Variants in GPR158 observed in about 807,000 individuals in gnomAD.
The protein encoded by GPR158 is metabotropic glycine receptor.
GPR158 carries 30 observed loss-of-function variants against 78.2 expected under a neutral mutation model. That is an observed-to-expected ratio of 0.38 (90% CI 0.29 to 0.52). GPR158 has a LOEUF of 0.52. Ranked by LOEUF, GPR158 falls within the 20% of genes least tolerant of loss-of-function variation. The pLI is 0.83. For synonymous variants in GPR158, 581 were observed against 591.1 expected (o/e 0.98, Z 0.25); for missense variants, 1,463 against 1,523.5 (o/e 0.96, Z 0.66).
chr10:25,534,329 G>A (rs1836462679), intron 5 of GPR158, among the ~76,000 whole-genome samples: 1 of 151,954 alleles, frequency 6.6e-6, no homozygotes, highest in Admixed American at 6.6e-5. Context: ...TTTAAACATA[G>A]ACATATGTAC....
rs191692852 is a variant in GPR158 at position 25,528,522 on chromosome 10, A to T, written c.1405-22454A>T. ...CAAACAACTGGAGAATGAATATTTTAAAATTACATTTACAATAGTACCTAA... is the reference window on the plus strand; with the variant it reads ...CAAACAACTGGAGAATGAATATTTTTAAATTACATTTACAATAGTACCTAA... On this transcript the variant is annotated intron_variant, in intron 5 of 10. Transcript: ENST00000376351. Among the ~76,000 whole-genome samples the T allele has an allele frequency of 4.0e-3, 602 of 152,292 alleles. 2 individuals are homozygous for T. The highest frequency in any genetic ancestry group is 7.2e-3 in the Admixed American group (110 of 15,294).
chr10:25,422,103 C>T (rs1478435750), intron 4 of GPR158, among the ~76,000 whole-genome samples: 1 of 152,184 alleles, frequency 6.6e-6, no homozygotes, highest in Non-Finnish European at 1.5e-5. Context: ...GACCATTCAC[C>T]CACCACCGAC....
At chr10:25,489,565 A>G (rs184107827) in intron 5 of GPR158, among the ~76,000 whole-genome samples, 5 of 152,268 alleles carry the variant, frequency 3.3e-5, no homozygotes, top group African/African-American at 1.2e-4. Context: ...TGCCTCTTCA[A>G]ATAATTATTC....
chr10:25,472,408 C>G (rs1835520158), intron 5 of GPR158, among the ~76,000 whole-genome samples: 3 of 152,194 alleles, frequency 2.0e-5, no homozygotes, highest in African/African-American at 4.8e-5. Context: ...ATGCCTCCAG[C>G]TTTGTTCTTT....
intron 2 of GPR158, among the ~76,000 whole-genome samples, chr10:25,354,096 G>A (rs1395322853): frequency 1.3e-5 from 2 of 152,060 alleles, no homozygotes; most frequent in Non-Finnish European, 2.9e-5. Flanking sequence ...GCTTATGCCT[G>A]TAAACCCAGC....
intron 5 of GPR158, among the ~76,000 whole-genome samples, chr10:25,489,154 A>G (rs1197340861): frequency 6.6e-6 from 1 of 152,118 alleles, no homozygotes; most frequent in African/African-American, 2.4e-5. Context: ...CCTCCAAATG[A>G]TTTTTCCAAA....
intron 4 of GPR158, among the ~76,000 whole-genome samples, chr10:25,419,050 A>T (rs1361251275): frequency 2.6e-5 from 4 of 152,088 alleles, no homozygotes; most frequent in Admixed American, 6.5e-5. Flanking sequence ...GGTAAAATAA[A>T]GTTAGGTATG....
rs1255379629 is a variant in GPR158 at position 25,241,147 on chromosome 10, TTCTTTCTTTCTTTCTTTC to T, written c.1008+19992_1008+20009del. On this transcript the variant is annotated intron_variant, in intron 2 of 10. Coordinates refer to ENST00000376351, the MANE Select transcript of GPR158 (RefSeq NM_020752.3). ...TGATTTTCTTTCTTTCTTTCTTTCT[TTCTTTCTTTCTTTCTTTC>T]TTTCTTTCTTTCTTTCTTTCTTTCC... is the stretch of plus-strand genomic sequence containing the variant. 2.0e-3 allele frequency among the ~76,000 whole-genome samples: 236 copies of T among 115,900 alleles called. 2 individuals are homozygous for T. The highest frequency in any genetic ancestry group is 4.9e-4 in the Non-Finnish European group (29 of 58,804). The allele number at this position is 115,900 out of a possible 152,430, so 76.0% of individuals were successfully genotyped here.
intron 2 of GPR158, among the ~76,000 whole-genome samples, chr10:25,277,375 A>G (rs1372474721): frequency 6.6e-6 from 1 of 152,188 alleles, no homozygotes; most frequent in Non-Finnish European, 1.5e-5. Context: ...TACAAAAACT[A>G]CTAGCAAAAT....
chr10:25,584,624 A>T (rs1837244583), intron 7 of GPR158, among the ~76,000 whole-genome samples: 1 of 152,250 alleles, frequency 6.6e-6, no homozygotes, highest in African/African-American at 2.4e-5. Context: ...GCTACGTGTG[A>T]ATCCTTCAAC....
At chr10:25,494,721 T>G (rs1835855641) in intron 5 of GPR158, among the ~76,000 whole-genome samples, 1 of 152,186 alleles carries the variant, frequency 6.6e-6, no homozygotes, top group Non-Finnish European at 1.5e-5. Context: ...ACAGCAAAGT[T>G]CTTTGGATGT....
At chr10:25,562,024 ATTTT>A (rs34320289) in intron 6 of GPR158, among the ~76,000 whole-genome samples, 3 of 140,796 alleles carry the variant, frequency 2.1e-5, no homozygotes, top group Admixed American at 7.1e-5. Context: ...ATGCAGAAGA[ATTTT>A]TTTTTTTTTT....
intron 1 of GPR158, among the ~76,000 whole-genome samples, chr10:25,189,562 C>T (rs1852740862): frequency 6.6e-6 from 1 of 151,826 alleles, no homozygotes; most frequent in Non-Finnish European, 1.5e-5. Context: ...CACACATTCT[C>T]ACTCATAGGT....
chr10:25,483,519 T>G (rs933151719), intron 5 of GPR158, among the ~76,000 whole-genome samples: 5 of 152,204 alleles, frequency 3.3e-5, no homozygotes, highest in Non-Finnish European at 7.3e-5. Flanking sequence ...TGATCGTTTT[T>G]TACATGCTGT....
chr10:25,590,465 G>A (rs1373621254), intron 8 of GPR158, among the ~76,000 whole-genome samples: 1 of 152,142 alleles, frequency 6.6e-6, no homozygotes, highest in Non-Finnish European at 1.5e-5. Flanking sequence ...AAGAGGGGAT[G>A]CCCTCAGTCA....
intron 5 of GPR158, among the ~76,000 whole-genome samples, chr10:25,523,470 A>G (rs966970199): frequency 6.6e-6 from 1 of 152,136 alleles, no homozygotes; most frequent in African/African-American, 2.4e-5. Context: ...GGTGGGGAGG[A>G]CAGAGTTCCC....
chr10:25,217,876 T>G (rs949975666), intron 1 of GPR158, among the ~76,000 whole-genome samples: 1 of 152,154 alleles, frequency 6.6e-6, no homozygotes, highest in African/African-American at 2.4e-5. Context: ...GGAGGCCACT[T>G]ACACGCTTTT....
intron 8 of GPR158, among the ~76,000 whole-genome samples, chr10:25,589,599 A>G (rs1037333288): frequency 1.3e-5 from 2 of 152,200 alleles, no homozygotes; most frequent in African/African-American, 4.8e-5. Context: ...TGGAATTCAA[A>G]ACACAAAAAC....
intron 2 of GPR158, among the ~76,000 whole-genome samples, chr10:25,337,304 T>G (rs956412100): frequency 3.3e-5 from 5 of 152,108 alleles, no homozygotes; most frequent in Admixed American, 6.6e-5. Flanking sequence ...GATGTCTTCC[T>G]TGTGCTTTGT....
Sources: gnomAD v4.1 joint callset for allele counts (sites outside exome capture counted in the v4.1 genomes callset) on GRCh38, gnomAD v4.1.1 for gene constraint, MANE v1.5 for transcripts, NCBI Gene and HGNC (gene_info 2026-07-23, HGNC 2026-07-21) for gene names.